Variants in SPTBN4 observed in about 807,000 individuals in gnomAD.
SPTBN4 encodes spectrin beta, non-erythrocytic 4.
In SPTBN4, 96 loss-of-function variants were observed where a neutral mutation model predicts 277.8. The observed-to-expected ratio is 0.35, with a 90% CI of 0.29 to 0.41. The LOEUF is 0.41. Ranked by LOEUF, SPTBN4 falls within the 10% of genes least tolerant of loss-of-function variation. SPTBN4 has a pLI of 1.00. For missense variants in SPTBN4, 3,006 were observed against 3,595.7 expected (o/e 0.84, Z 4.19); for synonymous variants, 1,481 against 1,580.3 (o/e 0.94, Z 1.49).
At chr19:40,521,560 G>C (rs2080526854) in intron 16 of SPTBN4, among the ~76,000 whole-genome samples, 1 of 152,010 alleles carries the variant, frequency 6.6e-6, no homozygotes. Flanking sequence ...TTCACAATAG[G>C]GTTTGTGTTC....
Position 40,486,812 on chromosome 19 carries a change from G to A in SPTBN4, c.170-885G>A, listed in dbSNP as rs542533274. On this transcript the variant is annotated intron_variant, in intron 2 of 35. Transcript: ENST00000598249. ...GTCCTCTCTGAACTGAGCTCTGTGAGGGCCCTGCTGTATTCACAGAGCCTT... is the reference window on the plus strand; with the variant it reads ...GTCCTCTCTGAACTGAGCTCTGTGAAGGCCCTGCTGTATTCACAGAGCCTT... 2.3e-4 allele frequency among the ~76,000 whole-genome samples: 35 copies of A among 152,266 alleles called. No homozygotes were observed. The South Asian group carries it at 6.2e-3, about 27-fold the overall frequency.
chr19:40,497,909 C>G (rs955867443), intron 7 of SPTBN4, among the ~76,000 whole-genome samples: 1 of 151,712 alleles, frequency 6.6e-6, no homozygotes, highest in East Asian at 1.9e-4. Context: ...CCTCCCCAAC[C>G]CTGCTTTCAA....
Position 40,567,983 on chromosome 19 carries a change from G to A in SPTBN4, c.6657G>A (p.Ala2219=), listed in dbSNP as rs986889432. The change falls in exon 31 of 36, where the codon GCG becomes GCA. Residue 2219 remains alanine, a synonymous_variant. Transcript: ENST00000598249. ...AAPEDAAETP[A]TPAAAEQVRP... ...CAGAGGACGCGGCGGAGACCCCCGC[G>A]ACCCCCGCGGCGGCGGAGCAGGTGC... 10 of 1,499,610 alleles carry A rather than the reference G, an allele frequency of 6.7e-6. No individual in the cohort carries two copies. The highest frequency in any genetic ancestry group is 8.8e-6 in the Non-Finnish European group (10 of 1,130,394). 92.9% of individuals were successfully genotyped at this position (1,499,610 alleles called of 1,614,324 possible).
In SPTBN4 at chr19:40,554,508, G is replaced by T. The variant is rs760221750; in HGVS notation, c.4954-8G>T. 11 of 1,480,436 alleles carry T rather than the reference G, an allele frequency of 7.4e-6. No individual in the cohort carries two copies. In the Admixed American group the frequency reaches 1.5e-4, roughly 20 times the overall value. 91.7% of individuals were successfully genotyped at this position (1,480,436 alleles called of 1,614,324 possible). On this transcript the variant is annotated splice_polypyrimidine_tract_variant and splice_region_variant and intron_variant, in intron 23 of 35. Transcript: ENST00000598249. This position sits in a 1 kb window ranked among gnomAD's most constrained non-coding sequence, Gnocchi z 5.7. ...TGCCGCCTCATCGTGGGCGCTTTGT[G>T]CCCCCAGGACGAACAGAGCACCCTG...
intron 22 of SPTBN4, among the ~76,000 whole-genome samples, chr19:40,553,830 C>T (rs2080944925): frequency 6.6e-6 from 1 of 152,162 alleles, no homozygotes; most frequent in African/African-American, 2.4e-5. Flanking sequence ...CATCTTGGGT[C>T]GGCAAGCGGC....
At chr19:40,475,651 G>A (rs1027222224) in intron 2 of SPTBN4, among the ~76,000 whole-genome samples, 3 of 151,446 alleles carry the variant, frequency 2.0e-5, no homozygotes, top group South Asian at 2.1e-4. Context: ...TAATTGAGGC[G>A]GGGTTTCACC....
chr19:40,534,479 G>C, intron 20 of SPTBN4, 136 bp downstream of exon 20: 1 of 1,233,182 alleles, frequency 8.1e-7, no homozygotes, highest in Non-Finnish European at 1.1e-6. Flanking sequence ...AGATGAGAAA[G>C]GGAATATTGA....
intron 17 of SPTBN4, among the ~76,000 whole-genome samples, chr19:40,526,295 C>T (rs751697319): frequency 4.0e-5 from 6 of 151,220 alleles, no homozygotes; most frequent in Non-Finnish European, 8.8e-5. Flanking sequence ...GCTTCAGCCT[C>T]CTGAGTACTG....
At position 40,566,335 on chromosome 19, in the gene SPTBN4, C is replaced by A. The variant is rs781717606; in HGVS notation, c.6312C>A (p.Phe2104Leu). 4 of 1,580,518 alleles carry A rather than the reference C, an allele frequency of 2.5e-6. No individual in the cohort carries two copies. The South Asian group carries it at 4.6e-5, about 18-fold the overall frequency. Residue 2104 changes from phenylalanine to leucine, a missense_variant, in exon 30 of 36, where the codon TTC (phenylalanine) becomes TTA (leucine). This residue lies in a region of SPTBN4 where 630 missense variants were observed against 677.6 expected (regional missense o/e 0.93). Coordinates refer to ENST00000598249, the MANE Select transcript of SPTBN4 (RefSeq NM_020971.3). ...CGGCTGCAGCCTGGGAAGAGAGGTTCAGCTCTCTGCGGCGCCTGACCACGG... is the reference window on the plus strand; with the variant it reads ...CGGCTGCAGCCTGGGAAGAGAGGTTAAGCTCTCTGCGGCGCCTGACCACGG... ...RKAAAAWEER[F>L]SSLRRLTTIE...
intron 13 of SPTBN4, among the ~76,000 whole-genome samples, chr19:40,511,078 A>C (rs1047225518): frequency 6.6e-6 from 1 of 152,144 alleles, no homozygotes; most frequent in Non-Finnish European, 1.5e-5. Flanking sequence ...ACATGCATAC[A>C]TGGGCACACA....
intron 17 of SPTBN4, among the ~76,000 whole-genome samples, chr19:40,524,030 T>G (rs556379340): frequency 6.6e-6 from 1 of 152,260 alleles, no homozygotes; most frequent in African/African-American, 2.4e-5. Flanking sequence ...CTTGAACTCT[T>G]GACCACCCAC....
Position 40,506,346 on chromosome 19 carries a change from G to A in SPTBN4, c.1776G>A (p.Glu592=). ...GDIAAQSERV[E]ALNAAALRFS... ...TTGCCGCCCAGAGCGAGCGGGTGGA[G>A]GCTCTCAATGCCGCTGCCCTGCGCT... Residue 592 remains glutamate (E), a synonymous_variant, in exon 13 of 36, where the codon GAG becomes GAA. Transcript: ENST00000598249. The A allele has an allele frequency of 6.2e-7, 1 of 1,614,048 alleles. No individual in the cohort carries two copies. The highest frequency in any genetic ancestry group is 8.5e-7 in the Non-Finnish European group (1 of 1,179,934).
At chr19:40,568,903 C>T (rs1225616653) in intron 31 of SPTBN4, among the ~76,000 whole-genome samples, 2 of 152,198 alleles carry the variant, frequency 1.3e-5, no homozygotes, top group Admixed American at 6.5e-5. Flanking sequence ...TTGCACATTT[C>T]ATGAACATTT....
At chr19:40,570,888 C>G (rs1324097034) in intron 33 of SPTBN4, among the ~76,000 whole-genome samples, 160 bp downstream of exon 33, 2 of 138,382 alleles carry the variant, frequency 1.4e-5, no homozygotes, top group Non-Finnish European at 3.1e-5. Context: ...TGGCTTAAAT[C>G]AAGAAAGCCA....
chr19:40,494,854 A>T, intron 5 of SPTBN4, 43 bp from the exon 6 acceptor site: 1 of 1,577,534 alleles, frequency 6.3e-7, no homozygotes, highest in African/African-American at 1.4e-5. Flanking sequence ...TTCCCTCCTA[A>T]CTCTCCCCAT....
chr19:40,566,021 C>G, intron 29 of SPTBN4, 142 bp from the exon 30 acceptor site: 7 of 882,598 alleles, frequency 7.9e-6, no homozygotes, highest in South Asian at 3.7e-5. Flanking sequence ...TAGCCCCAGC[C>G]TCTGCCATTC....
At chr19:40,480,470 C>T (rs2079998807) in intron 2 of SPTBN4, among the ~76,000 whole-genome samples, 1 of 152,134 alleles carries the variant, frequency 6.6e-6, no homozygotes, top group African/African-American at 2.4e-5. Flanking sequence ...AAAGCATCCT[C>T]ATGCCACCTC....
At chr19:40,500,976 C>T (rs966440672) in intron 7 of SPTBN4, among the ~76,000 whole-genome samples, 1 of 152,098 alleles carries the variant, frequency 6.6e-6, no homozygotes, top group Non-Finnish European at 1.5e-5. Flanking sequence ...TATGTAATTA[C>T]AAATTGTGAT....
At chr19:40,480,174 C>T (rs925154292) in intron 2 of SPTBN4, among the ~76,000 whole-genome samples, 11 of 150,024 alleles carry the variant, frequency 7.3e-5, no homozygotes, top group African/African-American at 2.7e-4. Flanking sequence ...TGGTGTGAAC[C>T]TGGGAGGCGG....
Sources: gnomAD v4.1 joint callset for allele counts (sites outside exome capture counted in the v4.1 genomes callset) on GRCh38, gnomAD v4.1.1 for gene constraint, gnomAD v4.1.1 regional missense constraint, Gnocchi (gnomAD v3.1) non-coding constraint, MANE v1.5 for transcripts, NCBI Gene and HGNC (gene_info 2026-07-23, HGNC 2026-07-21) for gene names.